Variants in SUPT5H observed in about 807,000 individuals in gnomAD.
The protein encoded by SUPT5H is SPT5 homolog, DSIF elongation factor subunit.
A neutral mutation model predicts 142.5 loss-of-function variants in SUPT5H; 24 were observed. That is an observed-to-expected ratio of 0.17 (90% CI 0.12 to 0.24). The LOEUF (loss-of-function observed/expected upper bound fraction) is 0.24, where lower values mean the gene tolerates loss of function less well. SUPT5H is among the 10% of genes least tolerant of loss of function. The pLI, the probability that SUPT5H is intolerant of heterozygous loss-of-function variation, is 1.00. For missense variants in SUPT5H, 893 were observed against 1,471.8 expected (o/e 0.61, Z 6.43); for synonymous variants, 546 against 553.0 (o/e 0.99, Z 0.18).
rs749622067 is a variant in SUPT5H at position 39,464,951 on chromosome 19, A to G, written c.778A>G (p.Met260Val). ...CCAGCAGATGGTGCCCATCAAGGAG[A>G]TGACAGACGTGCTCAAAGTGGTGAA... ...WNQQMVPIKEMTDVLKVVKEV... is the reference protein window; with the variant it reads ...WNQQMVPIKEVTDVLKVVKEV... Residue 260 changes from methionine (M) to valine (V), a missense_variant, in exon 11 of 30, where the codon ATG becomes GTG. By Grantham distance (21) the Met-to-Val change is conservative. Around this residue, in one of 6 missense-constraint regions of SUPT5H, gnomAD observed 428 missense variants for 763.5 expected, o/e 0.56. Transcript: ENST00000432763. 2 of 1,614,210 alleles carry G rather than the reference A, an allele frequency of 1.2e-6. No homozygotes were observed. The highest frequency in any genetic ancestry group is 1.7e-5 in the Admixed American group (1 of 60,028).
intron 2 of SUPT5H, among the ~76,000 whole-genome samples, chr19:39,452,321 G>T (rs1258642379): frequency 6.6e-6 from 1 of 152,148 alleles, no homozygotes; most frequent in African/African-American, 2.4e-5. Context: ...CATCTCTAGA[G>T]ACAGGAACTG....
At position 39,466,652 on chromosome 19, in the gene SUPT5H, A is replaced by G; in HGVS notation, c.967-23A>G. 4 of 1,612,866 alleles carry G rather than the reference A, an allele frequency of 2.5e-6. No individual in the cohort carries two copies. The highest frequency in any genetic ancestry group is 1.3e-5 in the African/African-American group (1 of 74,908). On this transcript the variant is annotated intron_variant, in intron 12 of 29. Transcript: ENST00000432763. The surrounding 1 kb of genome is among the most constrained non-coding windows in gnomAD (Gnocchi z 4.3). ...CCAAGCCCCCTCCCTCACCCTTCCC[A>G]CCCATGCCCCTTTCCTCCATAGAAA...
At position 39,474,138 on chromosome 19, in the gene SUPT5H, C is replaced by T. The variant is rs753962270; in HGVS notation, c.2651+17C>T. ...GCCGGCCATGTGAGTCCACTGGGGC[C>T]TGCCCTCGTCTACCCCTGCCCAAAC... On this transcript the variant is annotated intron_variant, in intron 26 of 29. Coordinates refer to ENST00000432763, the MANE Select transcript of SUPT5H (RefSeq NM_001111020.3). This position sits in a 1 kb window ranked among gnomAD's most constrained non-coding sequence, Gnocchi z 6.5. 2 of 1,603,352 alleles carry T rather than the reference C, an allele frequency of 1.2e-6. No homozygotes were observed. The highest frequency in any genetic ancestry group is 1.7e-6 in the Non-Finnish European group (2 of 1,174,164).
chr19:39,462,670 A>G (rs1027675745), intron 10 of SUPT5H, among the ~76,000 whole-genome samples: 1 of 151,966 alleles, frequency 6.6e-6, no homozygotes, highest in Non-Finnish European at 1.5e-5. Context: ...AGCTGGGATT[A>G]CAGGCACCCG....
At chr19:39,452,492 A>G (rs1260507046) in intron 2 of SUPT5H, among the ~76,000 whole-genome samples, 1 of 152,192 alleles carries the variant, frequency 6.6e-6, no homozygotes, top group East Asian at 1.9e-4. Context: ...GGAGAGCATG[A>G]TACGGCAGAA....
chr19:39,471,967 G>A (rs1336853996), intron 20 of SUPT5H: 2 of 598,014 alleles, frequency 3.3e-6, no homozygotes, highest in East Asian at 3.2e-5. Context: ...AGACACTGGA[G>A]AACCAGTGGT....
Position 39,469,955 on chromosome 19 carries a change from G to A in SUPT5H, c.1375-164G>A, listed in dbSNP as rs1043952120. 6.8e-6 allele frequency: 6 copies of A among 875,914 alleles called. No homozygotes were observed. The highest frequency in any genetic ancestry group is 1.0e-5 in the Non-Finnish European group (6 of 579,462). The allele number at this position is 875,914 out of a possible 1,614,324, so 54.3% of individuals were successfully genotyped here. Reference sequence around the variant, plus strand: ...GTGTCTGGGGTCAGCTGTTTCTGGGGCAGTCTGAGGGGTCGTCCAGGTGGA... The same window carrying A: ...GTGTCTGGGGTCAGCTGTTTCTGGGACAGTCTGAGGGGTCGTCCAGGTGGA... On this transcript the variant is annotated intron_variant, in intron 16 of 29. Coordinates refer to ENST00000432763, the MANE Select transcript of SUPT5H (RefSeq NM_001111020.3). This position sits in a 1 kb window ranked among gnomAD's most constrained non-coding sequence, Gnocchi z 5.1.
Position 39,445,590 on chromosome 19 carries a change from G to A in SUPT5H, c.-135G>A, listed in dbSNP as rs2078941712. On this transcript the variant is annotated 5_prime_UTR_variant, in exon 1 of 30. Transcript: ENST00000432763. Reference sequence around the variant, plus strand: ...GAGGACCCGTCAGCCCCAGTCAGGCGTCGTGCGAACAGCAGCTGGTACCGA... The same window carrying A: ...GAGGACCCGTCAGCCCCAGTCAGGCATCGTGCGAACAGCAGCTGGTACCGA... 2.5e-6 allele frequency: 1 copy of A among 402,200 alleles called. No homozygotes were observed. Among genetic ancestry groups the A allele is most frequent in the Non-Finnish European group, 4.7e-6 (1 of 212,820 alleles). The allele number at this position is 402,200 out of a possible 1,614,324, so 24.9% of individuals were successfully genotyped here.
chr19:39,474,923 G>A lies in SUPT5H; in HGVS notation c.3024+205G>A, dbSNP rs1046288976. 5 of 619,776 alleles carry A rather than the reference G, an allele frequency of 8.1e-6. No homozygotes were observed. The highest frequency in any genetic ancestry group is 1.4e-5 in the Non-Finnish European group (5 of 354,934). The allele number at this position is 619,776 out of a possible 1,614,324, so 38.4% of individuals were successfully genotyped here. A position where few individuals can be genotyped will look rare whatever the true frequency, so the allele number is the denominator to read the frequency against. Reference sequence around the variant, plus strand: ...GAATCAGGGAGGGCTGCCTGGGGAAGGAGAAATCTGAGCCAAGACCTGACA... The same window carrying A: ...GAATCAGGGAGGGCTGCCTGGGGAAAGAGAAATCTGAGCCAAGACCTGACA... On this transcript the variant is annotated intron_variant, in intron 28 of 29. Coordinates refer to ENST00000432763, the MANE Select transcript of SUPT5H (RefSeq NM_001111020.3). The surrounding 1 kb of genome is among the most constrained non-coding windows in gnomAD (Gnocchi z 6.5).
chr19:39,449,670 C>T (rs1193896486), intron 2 of SUPT5H, among the ~76,000 whole-genome samples: 1 of 150,138 alleles, frequency 6.7e-6, no homozygotes, highest in Non-Finnish European at 1.5e-5. Flanking sequence ...GTCTTGGTGT[C>T]TTGCTCTGTC....
chr19:39,468,468 C>G (rs1187064794), intron 13 of SUPT5H: 4 of 481,572 alleles, frequency 8.3e-6, no homozygotes, highest in Non-Finnish European at 1.1e-5. Context: ...CATCCCTGAC[C>G]TTCTGGAGCT....
In SUPT5H at chr19:39,476,187, G is replaced by A; in HGVS notation, c.3120+11G>A. On this transcript the variant is annotated intron_variant, in intron 29 of 29. Transcript: ENST00000432763. The stretch of plus-strand genomic sequence containing the variant: ...ACCAAGAACAACAAGGTAAGGGCAG[G>A]GGGCAAGGAGATAAGATGGGGCCGT... The A allele has an allele frequency of 6.2e-7, 1 of 1,614,122 alleles. No individual in the cohort carries two copies. Among genetic ancestry groups the A allele is most frequent in the Non-Finnish European group, 8.5e-7 (1 of 1,180,018 alleles).
Position 39,473,858 on chromosome 19 carries a change from T to G in SUPT5H, c.2493-105T>G. 1.1e-4 allele frequency: 165 copies of G among 1,481,238 alleles called. No individual in the cohort carries two copies. Among genetic ancestry groups the G allele is most frequent in the Non-Finnish European group, 1.4e-4 (153 of 1,065,168 alleles). 91.8% of individuals were successfully genotyped at this position (1,481,238 alleles called of 1,614,324 possible). ...GGAGTGCCTCTGGATGGGGCTCCCG[T>G]GAGAATGAAATTGCTTCAGTTGGGG... On this transcript the variant is annotated intron_variant, in intron 25 of 29. Coordinates refer to ENST00000432763, the MANE Select transcript of SUPT5H (RefSeq NM_001111020.3). The surrounding 1 kb of genome is among the most constrained non-coding windows in gnomAD (Gnocchi z 5.8).
intron 20 of SUPT5H, 188 bp downstream of exon 20, chr19:39,471,918 A>G: frequency 3.4e-6 from 3 of 878,608 alleles, no homozygotes; most frequent in Non-Finnish European, 5.0e-6. Context: ...ATTTTAAGTT[A>G]TTTATTCATT....
At chr19:39,475,915 T>C (rs2079398449) in intron 28 of SUPT5H, 166 bp from the exon 29 acceptor site, 7 of 627,938 alleles carry the variant, frequency 1.1e-5, no homozygotes, top group African/African-American at 3.7e-5. Context: ...CACCCTGACA[T>C]GCACCACAGG....
At position 39,455,929 on chromosome 19, in the gene SUPT5H, T is replaced by C. The variant is rs1331087825; in HGVS notation, c.242-1746T>C. 8.2e-5 allele frequency among the ~76,000 whole-genome samples: 12 copies of C among 145,966 alleles called. No homozygotes were observed. The South Asian group carries it at 1.1e-3, about 13-fold the overall frequency. On this transcript the variant is annotated intron_variant, in intron 3 of 29. Coordinates refer to ENST00000432763, the MANE Select transcript of SUPT5H (RefSeq NM_001111020.3). ...AACCACTGCGCCCCGCCTCTTCTTT[T>C]TTTTTTTTTTTTTTTTTTTAAGACG...
At chr19:39,446,147 A>G (rs2078950819) in intron 2 of SUPT5H, among the ~76,000 whole-genome samples, 182 bp downstream of exon 2, 1 of 152,200 alleles carries the variant, frequency 6.6e-6, no homozygotes, top group Non-Finnish European at 1.5e-5. Flanking sequence ...TCTGGAGGCC[A>G]GAAATGGGTC....
In SUPT5H at chr19:39,470,097, G is replaced by T. The variant is rs1252141235; in HGVS notation, c.1375-22G>T. On this transcript the variant is annotated intron_variant, in intron 16 of 29. Coordinates refer to ENST00000432763, the MANE Select transcript of SUPT5H (RefSeq NM_001111020.3). The surrounding 1 kb of genome is among the most constrained non-coding windows in gnomAD (Gnocchi z 5.8). ...GGTGGTCTCCCTTCACCTGTTTGTTGTCCCCACACCCAATCCCCCAGGACA... is the reference window on the plus strand; with the variant it reads ...GGTGGTCTCCCTTCACCTGTTTGTTTTCCCCACACCCAATCCCCCAGGACA... The T allele has an allele frequency of 1.2e-6, 2 of 1,607,350 alleles. No individual in the cohort carries two copies. The highest frequency in any genetic ancestry group is 2.2e-5 in the East Asian group (1 of 44,594).
At position 39,459,157 on chromosome 19, in the gene SUPT5H, C is replaced by T. The variant is rs748059411; in HGVS notation, c.459-27C>T. ...GGCGGGGATCTGACAGAGCTTCACC[C>T]CTTCCTGACTGCCCTCCTCCCTTCA... On this transcript the variant is annotated intron_variant, in intron 7 of 29. Transcript: ENST00000432763. 14 of 1,610,082 alleles carry T rather than the reference C, an allele frequency of 8.7e-6. No homozygotes were observed. The East Asian group carries it at 2.9e-4, about 33-fold the overall frequency.
Sources: allele counts gnomAD v4.1 joint callset (sites outside exome capture counted in the v4.1 genomes callset), GRCh38; gene constraint gnomAD v4.1.1; regional missense constraint gnomAD v4.1.1; non-coding constraint Gnocchi (gnomAD v3.1); transcripts MANE v1.5; gene names NCBI Gene and HGNC (gene_info 2026-07-23, HGNC 2026-07-21).